The following RPTOR variants were observed in gnomAD, a reference collection of about 807,000 sequenced individuals.
The protein encoded by RPTOR is regulatory-associated protein of mTOR.
In RPTOR, 21 loss-of-function variants were observed where a neutral mutation model predicts 169.9. The ratio of observed to expected loss-of-function variants is 0.12; its 90% CI spans 0.09 to 0.18. RPTOR has a LOEUF of 0.18. Ranked by LOEUF, RPTOR falls within the 10% of genes least tolerant of loss-of-function variation. The pLI, the probability that RPTOR is intolerant of heterozygous loss-of-function variation, is 1.00. For synonymous variants in RPTOR, 732 were observed against 753.2 expected, an observed-to-expected ratio of 0.97 and a Z score of 0.46; for missense variants, 1,133 against 1,855.9, an observed-to-expected ratio of 0.61 and a Z score of 7.16.
At chr17:80,802,533 T>G (rs2067171148) in intron 7 of RPTOR, 1 of 150,650 alleles carries the variant, frequency 6.6e-6, no homozygotes. Flanking sequence ...GAGGTTGCAG[T>G]GAGTGAGCTG....
At chr17:80,663,205 C>T (rs1241532878) in intron 3 of RPTOR, among the ~76,000 whole-genome samples, 1 of 152,212 alleles carries the variant, frequency 6.6e-6, no homozygotes, top group Non-Finnish European at 1.5e-5. Context: ...CCCTCTCCCA[C>T]AGGTTCACGC....
chr17:80,900,491 CT>C (rs1312162862), intron 20 of RPTOR, among the ~76,000 whole-genome samples: 1 of 152,208 alleles, frequency 6.6e-6, no homozygotes, highest in Non-Finnish European at 1.5e-5. Context: ...TAATTTTGTA[CT>C]TTTAGTAGAG....
At chr17:80,904,584 G>T (rs1000822304) in intron 20 of RPTOR, among the ~76,000 whole-genome samples, 10 of 152,138 alleles carry the variant, frequency 6.6e-5, no homozygotes, top group African/African-American at 2.2e-4. Flanking sequence ...ATGAAAATAG[G>T]TTCTCCGTGC....
At chr17:80,915,804 C>T (rs11872019) in intron 21 of RPTOR, among the ~76,000 whole-genome samples, 17,835 of 132,064 alleles carry the variant, frequency 0.14, 23 homozygotes, top group Admixed American at 0.16. Context: ...GCTGAGCAGA[C>T]GTCGGGAAAA....
intron 26 of RPTOR, among the ~76,000 whole-genome samples, chr17:80,946,984 C>G (rs904640138): frequency 2.0e-5 from 3 of 152,162 alleles, no homozygotes; most frequent in Non-Finnish European, 4.4e-5. Flanking sequence ...ATTATTCTCT[C>G]TTTGTTTGTT....
chr17:80,728,446 G>GTGTGTGTGTGTGTGT (rs2066359075), intron 4 of RPTOR, among the ~76,000 whole-genome samples: 1 of 148,176 alleles, frequency 6.7e-6, no homozygotes, highest in African/African-American at 2.5e-5. Context: ...TCCACTCTGG[G>GTGTGTGTGTGTGTGT]GTGTGTGTGT....
chr17:80,924,337 C>G (rs148888750), intron 23 of RPTOR, among the ~76,000 whole-genome samples: 1 of 152,262 alleles, frequency 6.6e-6, no homozygotes, highest in East Asian at 1.9e-4. Context: ...ACCCAGCACA[C>G]CCAGCTGCTC....
intron 1 of RPTOR, among the ~76,000 whole-genome samples, chr17:80,579,566 G>A (rs1470669426): frequency 6.6e-6 from 1 of 152,182 alleles, no homozygotes; most frequent in African/African-American, 2.4e-5. Context: ...AGAAGCCCAC[G>A]TCACGATGGC....
chr17:80,585,432 C>T (rs1039457226), intron 1 of RPTOR, among the ~76,000 whole-genome samples: 5 of 152,256 alleles, frequency 3.3e-5, no homozygotes, highest in African/African-American at 9.6e-5. Context: ...TCTTGAACTC[C>T]TGACCTCATG....
intron 20 of RPTOR, among the ~76,000 whole-genome samples, chr17:80,905,518 C>A (rs2068529883): frequency 6.6e-6 from 1 of 151,860 alleles, no homozygotes. Context: ...ATGGCATGAA[C>A]CCAGGAGGCA....
At chr17:80,790,690 C>T (rs550839258) in intron 6 of RPTOR, among the ~76,000 whole-genome samples, 2 of 152,224 alleles carry the variant, frequency 1.3e-5, no homozygotes, top group South Asian at 2.1e-4. Flanking sequence ...CAACAGTCCG[C>T]GAGTGTGTTT....
At chr17:80,555,313 TG>T (rs1409227668) in intron 1 of RPTOR, among the ~76,000 whole-genome samples, 1 of 152,194 alleles carries the variant, frequency 6.6e-6, no homozygotes, top group Non-Finnish European at 1.5e-5. Context: ...GTGAAGAGCC[TG>T]TGTGATTGTG....
chr17:80,682,819 T>C (rs1307009809), intron 3 of RPTOR, among the ~76,000 whole-genome samples: 5 of 151,642 alleles, frequency 3.3e-5, no homozygotes. Flanking sequence ...AAAAGAAAAA[T>C]AGCGTCTTGC....
In RPTOR at chr17:80,818,021, A is replaced by C. The variant is rs1186776825; in HGVS notation, c.891-4180A>C. 1.1e-4 allele frequency among the ~76,000 whole-genome samples: 16 copies of C among 152,178 alleles called. 1 individual carries two copies. On this transcript the variant is annotated intron_variant, in intron 7 of 33. Transcript: ENST00000306801. ...AGCCCGGAAGTGTGGGGGAAGGTGG[A>C]GATAAACCCTCCTGCCAATGGCAGT...
At position 80,665,408 on chromosome 17, in the gene RPTOR, C is replaced by A. The variant is rs1345932566; in HGVS notation, c.348+21598C>A. On this transcript the variant is annotated intron_variant, in intron 3 of 33. Transcript: ENST00000306801. ...CTTTCCTTTCCTTTCCTTTCCTTTC[C>A]TTTCCTTTCCTTTCCTTTCCTTTCC... 4.6e-3 allele frequency among the ~76,000 whole-genome samples: 39 copies of A among 8,450 alleles called. 4 individuals carry two copies. The highest frequency in any genetic ancestry group is 6.1e-3 in the African/African-American group (4 of 652). 5.5% of individuals were successfully genotyped at this position (8,450 alleles called of 152,430 possible).
intron 9 of RPTOR, among the ~76,000 whole-genome samples, chr17:80,835,846 C>T (rs1054172429): frequency 1.5e-4 from 23 of 152,182 alleles, no homozygotes; most frequent in African/African-American, 4.8e-4. Flanking sequence ...AGAAGAGATA[C>T]TCAACCTGTA....
At chr17:80,573,413 A>G (rs1242129401) in intron 1 of RPTOR, among the ~76,000 whole-genome samples, 1 of 152,030 alleles carries the variant, frequency 6.6e-6, no homozygotes, top group African/African-American at 2.4e-5. Context: ...TCTCTTATTT[A>G]GATAGGTCTT....
intron 4 of RPTOR, among the ~76,000 whole-genome samples, chr17:80,722,124 TC>T (rs1164555040): frequency 6.6e-6 from 1 of 151,244 alleles, no homozygotes; most frequent in Non-Finnish European, 1.5e-5. Context: ...TAAAAGTTCT[TC>T]CTTTCCTTCC....
At chr17:80,690,903 T>G (rs2065985825) in intron 3 of RPTOR, among the ~76,000 whole-genome samples, 1 of 152,178 alleles carries the variant, frequency 6.6e-6, no homozygotes, top group Non-Finnish European at 1.5e-5. Flanking sequence ...CAAGTGATCC[T>G]CCCACCTGAG....
Sources: allele counts gnomAD v4.1 joint callset (sites outside exome capture counted in the v4.1 genomes callset), GRCh38; gene constraint gnomAD v4.1.1; transcripts MANE v1.5; gene names NCBI Gene and HGNC (gene_info 2026-07-23, HGNC 2026-07-21).